THRB: variants seen among roughly 807,000 people sequenced by gnomAD.
THRB encodes nuclear receptor subfamily 1 group A member 2.
THRB carries 12 observed loss-of-function variants against 47.8 expected under a neutral mutation model. The observed-to-expected ratio is 0.25, with a 90% CI of 0.16 to 0.41. The LOEUF (loss-of-function observed/expected upper bound fraction) is 0.41. Ranked by LOEUF, THRB falls within the 10% of genes least tolerant of loss-of-function variation. The pLI, the probability that THRB is intolerant of heterozygous loss-of-function variation, is 1.00. For synonymous variants in THRB, 218 were observed against 212.2 expected, an observed-to-expected ratio of 1.03 and a Z score of -0.24; for missense variants, 348 against 589.2, an observed-to-expected ratio of 0.59 and a Z score of 4.24.
At chr3:24,391,219 C>T (rs1300508125) in intron 1 of THRB, among the ~76,000 whole-genome samples, 1 of 152,050 alleles carries the variant, frequency 6.6e-6, no homozygotes, top group African/African-American at 2.4e-5. Context: ...GAACATTTAG[C>T]CACTGTTTTA....
chr3:24,134,563 G>C (rs753974269), intron 8 of THRB, among the ~76,000 whole-genome samples: 6 of 152,138 alleles, frequency 3.9e-5, no homozygotes, highest in Non-Finnish European at 8.8e-5. Context: ...CCTGCGATCT[G>C]GGTGGCCCTG....
chr3:24,221,471 G>A (rs1293544788), intron 4 of THRB, among the ~76,000 whole-genome samples: 1 of 152,152 alleles, frequency 6.6e-6, no homozygotes, highest in African/African-American at 2.4e-5. Context: ...AGACTGAGAT[G>A]AGTTTAGCAG....
chr3:24,310,931 G>A (rs1453478610), intron 2 of THRB, among the ~76,000 whole-genome samples: 4 of 152,152 alleles, frequency 2.6e-5, no homozygotes, highest in Non-Finnish European at 5.9e-5. Flanking sequence ...TAAGTAATAG[G>A]TAAAACAAGA....
In THRB at chr3:24,146,769, T is replaced by G; in HGVS notation, c.438A>C (p.Lys146Asn). Residue 146 changes from lysine to asparagine, a missense_variant, in exon 7 of 11, where the codon AAA becomes AAC. Lys to Asn is a moderately conservative substitution (Grantham distance 94, BLOSUM62 0). Coordinates refer to ENST00000646209, the MANE Select transcript of THRB (RefSeq NM_001354712.2). The stretch of plus-strand genomic sequence containing the variant: ...TGTCTATGACACATTTTCCTTCATA[T>G]TTACAGGAATAGGATGGATGGAGAT... ...QKNLHPSYSC[K>N]YEGKCVIDKV... The G allele has an allele frequency of 1.2e-6, 2 of 1,614,018 alleles. No individual in the cohort carries two copies. The highest frequency in any genetic ancestry group is 1.7e-6 in the Non-Finnish European group (2 of 1,179,872).
rs779020573 is a variant in THRB, at chr3:24,152,631, G to A, written c.284-141C>T. The stretch of plus-strand genomic sequence containing the variant: ...CAGTAAAGACTTAGTGAAACCAAAC[G>A]GTAAGAATTTTATACTCATAGAGTT... On this transcript the variant is annotated intron_variant, in intron 5 of 10. Coordinates refer to ENST00000646209, the MANE Select transcript of THRB (RefSeq NM_001354712.2). The A allele has an allele frequency of 9.3e-5, 62 of 665,276 alleles. No individual in the cohort carries two copies. In the Middle Eastern group the frequency reaches 1.2e-3, roughly 13 times the overall value. 41.2% of individuals were successfully genotyped at this position (665,276 alleles called of 1,614,324 possible).
intron 5 of THRB, among the ~76,000 whole-genome samples, chr3:24,157,873 T>C (rs1407597194): frequency 6.6e-6 from 1 of 152,212 alleles, no homozygotes; most frequent in African/African-American, 2.4e-5. Context: ...TAGTATAGTT[T>C]AATGTATAAG....
At chr3:24,432,081 T>C (rs904188531) in intron 1 of THRB, among the ~76,000 whole-genome samples, 4 of 152,134 alleles carry the variant, frequency 2.6e-5, no homozygotes, top group Admixed American at 6.6e-5. Context: ...ATCAACATTA[T>C]TGGTAATATT....
At chr3:24,490,153 T>C (rs978807391) in intron 1 of THRB, among the ~76,000 whole-genome samples, 2 of 152,200 alleles carry the variant, frequency 1.3e-5, no homozygotes, top group Non-Finnish European at 1.5e-5. Context: ...GGCTGCATGC[T>C]GAACTGAAAA....
intron 4 of THRB, among the ~76,000 whole-genome samples, chr3:24,220,580 C>T (rs1576027444): frequency 6.6e-6 from 1 of 152,280 alleles, no homozygotes; most frequent in East Asian, 1.9e-4. Flanking sequence ...GATCAAATTT[C>T]TGGTCACCTG....
At chr3:24,453,428 A>G (rs2072863249) in intron 1 of THRB, among the ~76,000 whole-genome samples, 1 of 152,186 alleles carries the variant, frequency 6.6e-6, no homozygotes, top group African/African-American at 2.4e-5. Flanking sequence ...ACTTTTAGCC[A>G]TGACACTCTA....
At chr3:24,212,450 C>T (rs548320451) in intron 4 of THRB, among the ~76,000 whole-genome samples, 45 of 150,644 alleles carry the variant, frequency 3.0e-4, no homozygotes, top group African/African-American at 9.0e-4. Context: ...GGCATGGTGG[C>T]GGGCACCTGT....
intron 4 of THRB, among the ~76,000 whole-genome samples, chr3:24,194,484 TAATC>T (rs1431293119): frequency 6.6e-6 from 1 of 152,146 alleles, no homozygotes; most frequent in Non-Finnish European, 1.5e-5. Flanking sequence ...TCAACACAAT[TAATC>T]AATTTAATTA....
intron 1 of THRB, among the ~76,000 whole-genome samples, chr3:24,424,215 A>G (rs1167250968): frequency 6.6e-6 from 1 of 151,768 alleles, no homozygotes; most frequent in Non-Finnish European, 1.5e-5. Context: ...CACCTTCCAG[A>G]GGTTTCAGTT....
intron 1 of THRB, among the ~76,000 whole-genome samples, chr3:24,381,405 T>C (rs1274630233): frequency 6.6e-6 from 1 of 152,160 alleles, no homozygotes; most frequent in Non-Finnish European, 1.5e-5. Context: ...GGCAGGACTC[T>C]GAGGGGTCAG....
At chr3:24,249,120 T>A (rs568261852) in intron 3 of THRB, among the ~76,000 whole-genome samples, 38 of 152,294 alleles carry the variant, frequency 2.5e-4, no homozygotes, top group African/African-American at 8.7e-4. Flanking sequence ...GAGAAATTAT[T>A]ATTTCCAGCA....
chr3:24,258,968 G>A (rs2051622599), intron 3 of THRB, among the ~76,000 whole-genome samples: 1 of 152,108 alleles, frequency 6.6e-6, no homozygotes, highest in African/African-American at 2.4e-5. Context: ...CTTATTTTTA[G>A]ATGTGGAAAT....
At chr3:24,196,595 C>T (rs993849228) in intron 4 of THRB, among the ~76,000 whole-genome samples, 1 of 152,022 alleles carries the variant, frequency 6.6e-6, no homozygotes, top group African/African-American at 2.4e-5. Context: ...ATTCCCCCCA[C>T]CCCAAAAAAA....
intron 3 of THRB, among the ~76,000 whole-genome samples, chr3:24,246,641 T>C (rs1214749870): frequency 6.6e-6 from 1 of 152,204 alleles, no homozygotes; most frequent in African/African-American, 2.4e-5. Flanking sequence ...TTGATGTCTC[T>C]GTTGGGACTT....
intron 1 of THRB, among the ~76,000 whole-genome samples, chr3:24,461,133 A>G (rs1467309061): frequency 6.6e-6 from 1 of 152,220 alleles, no homozygotes; most frequent in Non-Finnish European, 1.5e-5. Flanking sequence ...ATAATGGAAT[A>G]TGAGTCACTA....
Sources: allele counts gnomAD v4.1 joint callset (sites outside exome capture counted in the v4.1 genomes callset), GRCh38; gene constraint gnomAD v4.1.1; transcripts MANE v1.5; gene names NCBI Gene and HGNC (gene_info 2026-07-23, HGNC 2026-07-21).